NREP: variants seen among roughly 807,000 people sequenced by gnomAD.
NREP encodes the protein neuronal regeneration related protein.
In NREP, 5 loss-of-function variants were observed where a neutral mutation model predicts 8.6. The ratio of observed to expected loss-of-function variants is 0.58; its 90% confidence interval spans 0.30 to 1.22. The LOEUF (loss-of-function observed/expected upper bound fraction) is 1.22, where lower values mean the gene tolerates loss of function less well. Among genes scored for constraint, NREP ranks in the 50% most tolerant of loss-of-function variants. NREP has a pLI of 0.07. For missense variants in NREP, 86 were observed against 82.5 expected, an observed-to-expected ratio of 1.04 and a Z score of -0.17; for synonymous variants, 27 against 28.0, an observed-to-expected ratio of 0.96 and a Z score of 0.11.
intron 2 of NREP, among the ~76,000 whole-genome samples, chr5:111,743,173 C>G (rs1749789000): frequency 6.6e-6 from 1 of 151,486 alleles, no homozygotes; most frequent in African/African-American, 2.4e-5. Flanking sequence ...ATAAAGCAGC[C>G]TTTTTAAAAC....
chr5:111,746,248 A>T (rs922285630), intron 2 of NREP, among the ~76,000 whole-genome samples: 17 of 151,730 alleles, frequency 1.1e-4, no homozygotes, highest in African/African-American at 1.4e-4. Context: ...ATTTTTTTTT[A>T]AAAAAAGGAA....
rs761072150 is a variant in NREP at position 111,730,947 on chromosome 5, T to C, written c.181A>G (p.Arg61Gly). 1.9e-6 allele frequency: 3 copies of C among 1,613,924 alleles called. No homozygotes were observed. The highest frequency in any genetic ancestry group is 1.7e-6 in the Non-Finnish European group (2 of 1,179,844). The change falls in exon 4 of 4, where the codon AGA becomes GGA. Residue 61 changes from arginine to glycine, a missense_variant. Coordinates refer to ENST00000257435, the MANE Select transcript of NREP (RefSeq NM_004772.4). ...TAAAAAAAGTGGAGGTAACTGATTC[T>C]TGGGGAGCGGAGTTCACTGCTGCCC... ...PLGSSELRSP[R>G]ISYLHFF
At chr5:111,886,264 G>A (rs201718317) in intron 2 of NREP, among the ~76,000 whole-genome samples, 24 of 152,238 alleles carry the variant, frequency 1.6e-4, no homozygotes, top group East Asian at 5.8e-4. Context: ...AATCAAAACC[G>A]CAATGAGATA....
intron 2 of NREP, among the ~76,000 whole-genome samples, chr5:111,944,652 A>C (rs537150145): frequency 4.6e-5 from 7 of 152,208 alleles, no homozygotes; most frequent in African/African-American, 1.4e-4. Context: ...TAAATTCTTG[A>C]ATATCTGTTC....
intron 2 of NREP, among the ~76,000 whole-genome samples, chr5:111,763,785 C>T (rs533741644): frequency 2.0e-5 from 3 of 152,262 alleles, no homozygotes; most frequent in Admixed American, 6.5e-5. Flanking sequence ...TTTGTGTGTG[C>T]GCGCACGCGC....
At chr5:111,823,697 G>C (rs927278608) in intron 2 of NREP, among the ~76,000 whole-genome samples, 17 of 152,240 alleles carry the variant, frequency 1.1e-4, no homozygotes, top group African/African-American at 3.4e-4. Flanking sequence ...GTGGGTTATA[G>C]ATAAGTCTTT....
intron 2 of NREP, among the ~76,000 whole-genome samples, chr5:111,967,819 C>T (rs1009463538): frequency 2.0e-5 from 3 of 152,116 alleles, no homozygotes; most frequent in South Asian, 4.2e-4. Flanking sequence ...ATCTTTTTCC[C>T]TCTCTTTCCC....
intron 2 of NREP, among the ~76,000 whole-genome samples, chr5:111,753,282 A>G (rs1426788432): frequency 6.7e-6 from 1 of 150,052 alleles, no homozygotes; most frequent in African/African-American, 2.4e-5. Flanking sequence ...GGAGGCCCAT[A>G]CACAGAACAC....
intron 2 of NREP, among the ~76,000 whole-genome samples, chr5:111,795,328 T>A (rs1171013858): frequency 6.6e-6 from 1 of 152,200 alleles, no homozygotes; most frequent in Non-Finnish European, 1.5e-5. Context: ...AACTTCAAGA[T>A]GATTTTGCTG....
intron 2 of NREP, among the ~76,000 whole-genome samples, chr5:111,933,802 C>A (rs1210074954): frequency 6.6e-6 from 1 of 152,070 alleles, no homozygotes; most frequent in Non-Finnish European, 1.5e-5. Flanking sequence ...ATACTGTAGA[C>A]TGCATTTATA....
intron 2 of NREP, among the ~76,000 whole-genome samples, chr5:111,972,682 T>C (rs889298828): frequency 4.6e-5 from 7 of 152,078 alleles, no homozygotes; most frequent in South Asian, 4.2e-4. Flanking sequence ...CCACCTCTTT[T>C]TCAGGGCCAG....
intron 2 of NREP, among the ~76,000 whole-genome samples, chr5:111,829,295 A>G (rs1299530590): frequency 2.0e-5 from 3 of 152,148 alleles, no homozygotes; most frequent in African/African-American, 7.2e-5. Flanking sequence ...ACATAATCAG[A>G]TTTGTATTTT....
intron 2 of NREP, among the ~76,000 whole-genome samples, chr5:111,765,385 C>T (rs938066390): frequency 6.6e-6 from 1 of 152,166 alleles, no homozygotes; most frequent in African/African-American, 2.4e-5. Flanking sequence ...GTTGGAGACT[C>T]CAGGTCTAAA....
intron 2 of NREP, among the ~76,000 whole-genome samples, chr5:111,832,463 C>T (rs554131178): frequency 2.6e-5 from 4 of 152,032 alleles, no homozygotes; most frequent in African/African-American, 4.8e-5. Context: ...AAATCTGGGA[C>T]GAGCTTGCAA....
chr5:111,913,904 A>G (rs1308514814), intron 2 of NREP, among the ~76,000 whole-genome samples: 1 of 152,118 alleles, frequency 6.6e-6, no homozygotes, highest in Non-Finnish European at 1.5e-5. Flanking sequence ...TTCAAGTCAA[A>G]CTACAGATTT....
chr5:111,825,790 C>A (rs912565061), intron 2 of NREP, among the ~76,000 whole-genome samples: 5 of 152,108 alleles, frequency 3.3e-5, no homozygotes, highest in African/African-American at 1.2e-4. Context: ...GCTTCTAACT[C>A]CATGGTGCTT....
At chr5:111,775,448 C>T (rs1581108217) in intron 2 of NREP, among the ~76,000 whole-genome samples, 11 of 152,236 alleles carry the variant, frequency 7.2e-5, no homozygotes, top group Admixed American at 2.6e-4. Flanking sequence ...CAGAATCTTG[C>T]TAAGAATGCA....
chr5:111,875,288 T>C (rs1001246219), intron 2 of NREP, among the ~76,000 whole-genome samples: 2 of 151,990 alleles, frequency 1.3e-5, no homozygotes, highest in Non-Finnish European at 2.9e-5. Flanking sequence ...AATAGGCCTC[T>C]GAGGCAAATA....
intron 2 of NREP, among the ~76,000 whole-genome samples, chr5:111,838,535 T>G (rs1227409189): frequency 6.6e-6 from 1 of 152,126 alleles, no homozygotes; most frequent in African/African-American, 2.4e-5. Flanking sequence ...ATTAAATGAA[T>G]AGAAAGAATT....
Sources: gnomAD v4.1 joint callset for allele counts (sites outside exome capture counted in the v4.1 genomes callset) on GRCh38, gnomAD v4.1.1 for gene constraint, MANE v1.5 for transcripts, NCBI Gene and HGNC (gene_info 2026-07-23, HGNC 2026-07-21) for gene names.